Variants in ZDHHC14 observed in about 807,000 individuals in gnomAD.
The protein encoded by ZDHHC14 is zDHHC palmitoyltransferase 14.
In ZDHHC14, 16 loss-of-function variants were observed where a neutral mutation model predicts 47.7. The ratio of observed to expected loss-of-function variants is 0.34; its 90% CI spans 0.23 to 0.51. The LOEUF (loss-of-function observed/expected upper bound fraction) is 0.51. Among genes scored for constraint, ZDHHC14 ranks in the 20% least tolerant of loss-of-function variants. The pLI is 0.97. For missense variants in ZDHHC14, 515 were observed against 662.5 expected, an observed-to-expected ratio of 0.78 and a Z score of 2.44; for synonymous variants, 293 against 278.9, an observed-to-expected ratio of 1.05 and a Z score of -0.50.
In ZDHHC14 at chr6:157,502,693, T is replaced by G. The variant is rs1184377289; in HGVS notation, c.246-39892T>G. Among the ~76,000 whole-genome samples, 1 of 151,476 alleles carries G rather than the reference T, an allele frequency of 6.6e-6. No individual in the cohort carries two copies. Among genetic ancestry groups the G allele is most frequent in the African/African-American group, 2.4e-5 (1 of 40,826 alleles). ...GTGTTTGTTTTTGTTTTGTTTTGTT[T>G]TGTTTGTTTGTTTTTTAGACAGGGT... On this transcript the variant is annotated intron_variant, in intron 1 of 8. Transcript: ENST00000359775. The surrounding 1 kb of genome is among the most constrained non-coding windows in gnomAD (Gnocchi z 4.0).
At chr6:157,574,380 G>A (rs1278332680) in intron 2 of ZDHHC14, among the ~76,000 whole-genome samples, 3 of 152,092 alleles carry the variant, frequency 2.0e-5, no homozygotes, top group Non-Finnish European at 4.4e-5. Context: ...CCGAGATCGC[G>A]CCACTGCACC....
At chr6:157,601,007 G>A (rs62423216) in intron 3 of ZDHHC14, among the ~76,000 whole-genome samples, 51,434 of 152,100 alleles carry the variant, frequency 0.34, 9,309 homozygotes, top group African/African-American at 0.46. Flanking sequence ...GATGGAAGGC[G>A]GTGAATCCCG....
At chr6:157,434,218 T>TTATATATATATATATATATATATATATA (rs373321908) in intron 1 of ZDHHC14, among the ~76,000 whole-genome samples, 8 of 146,554 alleles carry the variant, frequency 5.5e-5, no homozygotes, top group South Asian at 2.2e-4. Context: ...GCTTATAATT[T>TTATATATATATATATATATATATATATA]TATATATATA....
At chr6:157,534,163 A>G (rs2114788583) in intron 1 of ZDHHC14, among the ~76,000 whole-genome samples, 1 of 152,324 alleles carries the variant, frequency 6.6e-6, no homozygotes, top group South Asian at 2.1e-4. Flanking sequence ...AATGCTGTTT[A>G]GTGCCAGGAC....
At chr6:157,470,212 A>G (rs867386058) in intron 1 of ZDHHC14, among the ~76,000 whole-genome samples, 1 of 152,360 alleles carries the variant, frequency 6.6e-6, no homozygotes, top group African/African-American at 2.4e-5. Flanking sequence ...AGAGAAGGAA[A>G]TAAGTGTTAA....
chr6:157,663,917 A>G (rs960375058), intron 8 of ZDHHC14, among the ~76,000 whole-genome samples: 1 of 152,200 alleles, frequency 6.6e-6, no homozygotes, highest in African/African-American at 2.4e-5. Context: ...TAGATTAACA[A>G]AACCGGAGGA....
chr6:157,457,489 T>C (rs910427494), intron 1 of ZDHHC14, among the ~76,000 whole-genome samples: 2 of 152,232 alleles, frequency 1.3e-5, no homozygotes, highest in East Asian at 3.8e-4. Context: ...TGTACTGTTC[T>C]TACTTTCTGC....
intron 1 of ZDHHC14, among the ~76,000 whole-genome samples, chr6:157,488,217 G>C (rs1031511899): frequency 5.3e-5 from 8 of 152,144 alleles, no homozygotes; most frequent in Admixed American, 5.2e-4. Context: ...AGTGGGAGGC[G>C]GGTATGAAAG....
intron 1 of ZDHHC14, among the ~76,000 whole-genome samples, chr6:157,521,325 T>G (rs1446696764): frequency 6.6e-6 from 1 of 152,220 alleles, no homozygotes; most frequent in Non-Finnish European, 1.5e-5. Flanking sequence ...GAAGCAGCCT[T>G]GAGTGAGGGA....
chr6:157,594,808 C>T (rs527340815), intron 3 of ZDHHC14, among the ~76,000 whole-genome samples: 9 of 152,314 alleles, frequency 5.9e-5, no homozygotes, highest in Admixed American at 4.6e-4. Flanking sequence ...GTCCATTCCA[C>T]ACCTATCTTG....
intron 8 of ZDHHC14, among the ~76,000 whole-genome samples, chr6:157,671,443 A>C (rs930772945): frequency 6.6e-6 from 1 of 152,114 alleles, no homozygotes; most frequent in East Asian, 1.9e-4. Context: ...CCTAATATCC[A>C]TGTCTGTTCC....
intron 2 of ZDHHC14, among the ~76,000 whole-genome samples, chr6:157,562,128 C>G (rs942578040): frequency 3.9e-5 from 6 of 152,140 alleles, no homozygotes; most frequent in African/African-American, 1.4e-4. Context: ...ATGTGTGGGG[C>G]AGTCAGACGG....
At chr6:157,485,331 G>A (rs1779751621) in intron 1 of ZDHHC14, among the ~76,000 whole-genome samples, 1 of 152,174 alleles carries the variant, frequency 6.6e-6, no homozygotes, top group Admixed American at 6.5e-5. Flanking sequence ...CCACCCCTGG[G>A]AGGCAGTTTT....
intron 2 of ZDHHC14, chr6:157,592,726 G>T (rs1783960716): frequency 2.5e-6 from 3 of 1,222,648 alleles, no homozygotes; most frequent in Admixed American, 8.4e-5. Flanking sequence ...TCCACAGGGA[G>T]GGCCTGGCTG....
At chr6:157,639,795 C>T (rs933802295) in intron 5 of ZDHHC14, among the ~76,000 whole-genome samples, 25 of 151,976 alleles carry the variant, frequency 1.6e-4, no homozygotes, top group Admixed American at 1.6e-3. Context: ...GAAAGGGTTG[C>T]GCTGGAAGGG....
chr6:157,611,362 G>A (rs948924136), intron 3 of ZDHHC14, among the ~76,000 whole-genome samples: 4 of 152,162 alleles, frequency 2.6e-5, no homozygotes, highest in Non-Finnish European at 4.4e-5. Flanking sequence ...TGCGTCTAAC[G>A]TAAATTTTTT....
chr6:157,393,335 G>A (rs1777457212), intron 1 of ZDHHC14, among the ~76,000 whole-genome samples: 1 of 152,232 alleles, frequency 6.6e-6, no homozygotes, highest in Non-Finnish European at 1.5e-5. Flanking sequence ...GCTGATAGAG[G>A]AGGGTGTAGC....
intron 1 of ZDHHC14, among the ~76,000 whole-genome samples, chr6:157,444,357 G>A (rs1233770860): frequency 6.6e-6 from 1 of 152,156 alleles, no homozygotes; most frequent in Non-Finnish European, 1.5e-5. Flanking sequence ...TGAGACTGGG[G>A]AGAGGCTCCA....
In ZDHHC14 at chr6:157,381,985, C is replaced by T; in HGVS notation, c.-37C>T. On this transcript the variant is annotated 5_prime_UTR_variant, in exon 1 of 9. Transcript: ENST00000359775. ...GCGGGGCCCGCGCGGCCGGGGGGCT[C>T]CTGGGGGTGTGCGCCCCCAGCCGGC... The T allele has an allele frequency of 7.9e-7, 1 of 1,272,490 alleles. No individual in the cohort carries two copies. The highest frequency in any genetic ancestry group is 1.0e-6 in the Non-Finnish European group (1 of 1,003,138). 78.8% of individuals were successfully genotyped at this position (1,272,490 alleles called of 1,614,324 possible).
Sources: allele counts gnomAD v4.1 joint callset (sites outside exome capture counted in the v4.1 genomes callset), GRCh38; gene constraint gnomAD v4.1.1; non-coding constraint Gnocchi (gnomAD v3.1); transcripts MANE v1.5; gene names NCBI Gene and HGNC (gene_info 2026-07-23, HGNC 2026-07-21).